The following KTN1 variants were observed in gnomAD, a reference collection of about 807,000 sequenced individuals.
The protein encoded by KTN1 is kinectin.
Under a neutral mutation model 222.5 loss-of-function variants are expected in KTN1, and 130 were observed. The ratio of observed to expected loss-of-function variants is 0.58; its 90% CI spans 0.51 to 0.68. The LOEUF is 0.68. Ranked by LOEUF, KTN1 falls within the 30% of genes least tolerant of loss-of-function variation. KTN1 has a pLI of 0.00. For missense variants in KTN1, 1,508 were observed against 1,500.4 expected (o/e 1.01, Z -0.08); for synonymous variants, 512 against 496.3 (o/e 1.03, Z -0.42).
Position 55,593,446 on chromosome 14 carries a change from C to CCCA in KTN1, c.-31+13092_-31+13093insCCA, listed in dbSNP as rs1555357160. 1.8e-3 allele frequency among the ~76,000 whole-genome samples: 212 copies of CCCA among 120,548 alleles called. 4 individuals are homozygous for CCCA. Among genetic ancestry groups the CCCA allele is most frequent in the African/African-American group, 5.6e-3 (177 of 31,508 alleles). 79.1% of individuals were successfully genotyped at this position (120,548 alleles called of 152,430 possible). ...TGATCAGAAATAGACACCCCCCCCC[C>CCCA]AAAAAAAAAAAAAGAAAACTTGTTA... On this transcript the variant is annotated intron_variant, in intron 1 of 43. Coordinates refer to ENST00000395314, the MANE Select transcript of KTN1 (RefSeq NM_001079521.2).
At position 55,636,362 on chromosome 14, in the gene KTN1, G is replaced by A. The variant is rs957592312; in HGVS notation, c.1462-87G>A. On this transcript the variant is annotated intron_variant, in intron 9 of 43. Transcript: ENST00000395314. Reference sequence around the variant, plus strand: ...AGCAGTTTTATGATACAACAGTAAAGGTAGAGGATGCTTTTTTTCCCTCTT... The same window carrying A: ...AGCAGTTTTATGATACAACAGTAAAAGTAGAGGATGCTTTTTTTCCCTCTT... 3 of 939,524 alleles carry A rather than the reference G, an allele frequency of 3.2e-6. No homozygotes were observed. The East Asian group carries it at 7.9e-5, about 25-fold the overall frequency. The allele number at this position is 939,524 out of a possible 1,614,324, so 58.2% of individuals were successfully genotyped here.
chr14:55,684,342 T>A lies in KTN1; in HGVS notation c.*239T>A. On this transcript the variant is annotated 3_prime_UTR_variant, in exon 44 of 44. Transcript: ENST00000395314. ...CTGTTTGAATAATTAGACCTTTACATTCCTGAAGATAAACATGTAATCTTT... is the reference window on the plus strand; with the variant it reads ...CTGTTTGAATAATTAGACCTTTACAATCCTGAAGATAAACATGTAATCTTT... 1 of 375,722 alleles carries A rather than the reference T, an allele frequency of 2.7e-6. No homozygotes were observed. The highest frequency in any genetic ancestry group is 4.7e-6 in the Non-Finnish European group (1 of 210,714). The allele number at this position is 375,722 out of a possible 1,614,324, so 23.3% of individuals were successfully genotyped here.
At position 55,598,162 on chromosome 14, in the gene KTN1, G is replaced by A. The variant is rs184721712; in HGVS notation, c.-30-13857G>A. On this transcript the variant is annotated intron_variant, in intron 1 of 43. Coordinates refer to ENST00000395314, the MANE Select transcript of KTN1 (RefSeq NM_001079521.2). ...AAGAATATTGCTTTCTCGGCAGGGC[G>A]CGGTGGCTCACGCCTGTAATCCCAG... Among the ~76,000 whole-genome samples, 507 of 152,044 alleles carry A rather than the reference G, an allele frequency of 3.3e-3. 3 individuals carry two copies. Among genetic ancestry groups the A allele is most frequent in the Middle Eastern group, 0.014 (4 of 294 alleles).
chr14:55,642,207 T>C (rs1297475946), intron 18 of KTN1, among the ~76,000 whole-genome samples: 1 of 152,186 alleles, frequency 6.6e-6, no homozygotes, highest in African/African-American at 2.4e-5. Context: ...GATTATATTA[T>C]ATTTACACCA....
chr14:55,591,479 G>T (rs1490962600), intron 1 of KTN1, among the ~76,000 whole-genome samples: 1 of 151,882 alleles, frequency 6.6e-6, no homozygotes, highest in African/African-American at 2.4e-5. Context: ...TATGTGTGAT[G>T]GCTCCACATT....
In KTN1 at chr14:55,634,515, A is replaced by G. The variant is rs1289367454; in HGVS notation, c.1329-11A>G. The G allele has an allele frequency of 3.1e-6, 5 of 1,596,162 alleles. No homozygotes were observed. Among genetic ancestry groups the G allele is most frequent in the Middle Eastern group, 3.4e-4 (2 of 5,964 alleles). On this transcript the variant is annotated splice_polypyrimidine_tract_variant and intron_variant, in intron 8 of 43. Coordinates refer to ENST00000395314, the MANE Select transcript of KTN1 (RefSeq NM_001079521.2). ...ATAACGGAAGGCTCCTAATCCAGTT[A>G]CTGTTTTCAGGCAGTCTGCAGAACT... is the stretch of plus-strand genomic sequence containing the variant.
intron 33 of KTN1, among the ~76,000 whole-genome samples, chr14:55,664,914 C>T (rs2044543827): frequency 6.6e-6 from 1 of 151,724 alleles, no homozygotes; most frequent in South Asian, 2.1e-4. Context: ...ATTTTGTGTG[C>T]CATGGTACTC....
intron 1 of KTN1, 131 bp downstream of exon 1, chr14:55,580,485 G>C (rs2031126223): frequency 6.8e-6 from 1 of 147,626 alleles, no homozygotes. Flanking sequence ...GCGGGGCCCG[G>C]ACGCCGCCCG....
At chr14:55,627,236 C>T (rs2039954554) in intron 5 of KTN1, among the ~76,000 whole-genome samples, 1 of 151,960 alleles carries the variant, frequency 6.6e-6, no homozygotes, top group South Asian at 2.1e-4. Context: ...TCCTGTAGTT[C>T]TTCGTAAAAA....
chr14:55,658,313 G>A (rs903070541), intron 29 of KTN1, among the ~76,000 whole-genome samples: 1 of 152,040 alleles, frequency 6.6e-6, no homozygotes, highest in African/African-American at 2.4e-5. Context: ...GAGCTATTTC[G>A]GTATATTTCT....
chr14:55,619,389 A>C (rs2038825873), intron 5 of KTN1, 77 bp downstream of exon 5: 3 of 1,340,420 alleles, frequency 2.2e-6, no homozygotes, highest in Non-Finnish European at 3.2e-6. Context: ...TAGCCAGAGC[A>C]ATTAATATCT....
intron 5 of KTN1, among the ~76,000 whole-genome samples, chr14:55,626,641 T>C (rs1238075542): frequency 6.6e-6 from 1 of 152,156 alleles, no homozygotes; most frequent in Non-Finnish European, 1.5e-5. Context: ...ATGAGGGGTG[T>C]TTTTCTTGGA....
rs752664301 is a variant in KTN1 at position 55,612,493 on chromosome 14, A to G, written c.445A>G (p.Thr149Ala). Residue 149 changes from threonine (T) to alanine (A), a missense_variant, in exon 2 of 44, where the codon ACT becomes GCT. Coordinates refer to ENST00000395314, the MANE Select transcript of KTN1 (RefSeq NM_001079521.2). ...CAAAAAAGTAGAACCTGTCCCAGTT[A>G]CTAAACAGCCCACCCCTCCCTCTGA... The part of the protein sequence containing the change: ...PGKKVEPVPV[T>A]KQPTPPSEAA... 3 of 1,614,058 alleles carry G rather than the reference A, an allele frequency of 1.9e-6. No homozygotes were observed. Among genetic ancestry groups the G allele is most frequent in the South Asian group, 2.2e-5 (2 of 91,020 alleles).
At chr14:55,621,899 A>C (rs1027005711) in intron 5 of KTN1, among the ~76,000 whole-genome samples, 6 of 136,194 alleles carry the variant, frequency 4.4e-5, no homozygotes, top group African/African-American at 1.7e-4. Flanking sequence ...CCCAGGCTGG[A>C]GTGCAGTGGC....
At chr14:55,611,097 A>G (rs1319622680) in intron 1 of KTN1, among the ~76,000 whole-genome samples, 1 of 151,904 alleles carries the variant, frequency 6.6e-6, no homozygotes, top group Non-Finnish European at 1.5e-5. Context: ...TCACTATTTT[A>G]TTTTTTTGAG....
intron 18 of KTN1, among the ~76,000 whole-genome samples, chr14:55,645,190 A>G (rs965401629): frequency 1.3e-5 from 2 of 152,196 alleles, no homozygotes; most frequent in Non-Finnish European, 2.9e-5. Context: ...GAATTTGCCA[A>G]AGAGCTAAGA....
chr14:55,678,446 T>G lies in KTN1; in HGVS notation c.3948+2T>G. ...AATAGTGATGTTTCCCCAGAAACGG[T>G]ATGTATTTTCTTCATCCCCAGATCT... On this transcript the variant is annotated splice_donor_variant, in intron 42 of 43. Coordinates refer to ENST00000395314, the MANE Select transcript of KTN1 (RefSeq NM_001079521.2). LOFTEE classifies it high-confidence loss of function. 1 of 1,583,718 alleles carries G rather than the reference T, an allele frequency of 6.3e-7. No homozygotes were observed. The highest frequency in any genetic ancestry group is 8.7e-7 in the Non-Finnish European group (1 of 1,152,450).
chr14:55,682,161 A>T (rs1240811201), intron 43 of KTN1: 1 of 152,144 alleles, frequency 6.6e-6, no homozygotes, highest in African/African-American at 2.4e-5. Flanking sequence ...CTAAATCCTG[A>T]TACATAGTAC....
chr14:55,585,332 A>G (rs2032757704), intron 1 of KTN1, among the ~76,000 whole-genome samples: 1 of 152,170 alleles, frequency 6.6e-6, no homozygotes, highest in Admixed American at 6.5e-5. Context: ...TACATACTCC[A>G]CATGATTAGG....
Sources: allele counts gnomAD v4.1 joint callset (sites outside exome capture counted in the v4.1 genomes callset), GRCh38; gene constraint gnomAD v4.1.1; transcripts MANE v1.5; gene names NCBI Gene and HGNC (gene_info 2026-07-23, HGNC 2026-07-21).